The following MEIOSIN variants were observed in gnomAD, a reference collection of about 807,000 sequenced individuals.
The protein encoded by MEIOSIN is meiosis initiator protein.
Under a neutral mutation model 23.4 loss-of-function variants are expected in MEIOSIN, and 18 were observed. The ratio of observed to expected loss-of-function variants is 0.77; its 90% CI spans 0.53 to 1.14. The LOEUF (loss-of-function observed/expected upper bound fraction) is 1.14, where lower values mean the gene tolerates loss of function less well. Ranked by LOEUF, MEIOSIN falls within the 50% of genes most tolerant of loss-of-function variation. The pLI is 0.00. For synonymous variants in MEIOSIN, 187 were observed against 100.6 expected (o/e 1.86, Z -5.14); for missense variants, 428 against 242.9 (o/e 1.76, Z -5.07).
Position 45,764,146 on chromosome 19 carries a change from C to T in MEIOSIN, c.*28C>T. On this transcript the variant is annotated 3_prime_UTR_variant, in exon 15 of 15. Coordinates refer to ENST00000457052, the MANE Select transcript of MEIOSIN (RefSeq NM_001310124.2). ...GGGCGGCCCCTCGCCTCGCTCCCCTCACCCCTCATGGCAACCGCGGCTCTT... is the reference window on the plus strand; with the variant it reads ...GGGCGGCCCCTCGCCTCGCTCCCCTTACCCCTCATGGCAACCGCGGCTCTT... 5.0e-6 allele frequency: 2 copies of T among 398,638 alleles called. No homozygotes were observed. The highest frequency in any genetic ancestry group is 8.8e-6 in the Non-Finnish European group (2 of 226,046). 24.7% of individuals were successfully genotyped at this position (398,638 alleles called of 1,614,324 possible).
At chr19:45,754,100 A>C (rs10404730) in intron 6 of MEIOSIN, among the ~76,000 whole-genome samples, 81,770 of 151,928 alleles carry the variant, frequency 0.54, 22,715 homozygotes, top group East Asian at 0.65. Flanking sequence ...CCTCAGCCTC[A>C]TGAGTAGCTG....
chr19:45,743,447 G>A (rs551034295), intron 3 of MEIOSIN, among the ~76,000 whole-genome samples: 1 of 152,166 alleles, frequency 6.6e-6, no homozygotes, highest in South Asian at 2.1e-4. Flanking sequence ...AATTTATCTC[G>A]AAGGATAGAA....
chr19:45,745,206 A>G lies in MEIOSIN; in HGVS notation c.191A>G (p.Gln64Arg). The G allele has an allele frequency of 1.4e-6, 1 of 702,938 alleles. No homozygotes were observed. Among genetic ancestry groups the G allele is most frequent in the South Asian group, 1.5e-5 (1 of 67,592 alleles). 43.5% of individuals were successfully genotyped at this position (702,938 alleles called of 1,614,324 possible). ...LKGKLRNQRN[Q>R]NKLLSPNKKQ... ...TCCCCAAACAGGAATCAGAGGAACCAAAACAAGCTCCTGTCCCCAAACAAG... is the reference window on the plus strand; with the variant it reads ...TCCCCAAACAGGAATCAGAGGAACCGAAACAAGCTCCTGTCCCCAAACAAG... Residue 64 changes from glutamine to arginine, a missense_variant, in exon 4 of 15, where the codon CAA becomes CGA. Coordinates refer to ENST00000457052, the MANE Select transcript of MEIOSIN (RefSeq NM_001310124.2).
chr19:45,746,761 C>T (rs969822279), intron 4 of MEIOSIN, among the ~76,000 whole-genome samples: 1 of 150,694 alleles, frequency 6.6e-6, no homozygotes, highest in African/African-American at 2.4e-5. Context: ...GCAGAGGTTG[C>T]AGTGATCCGA....
chr19:45,754,524 A>G lies in MEIOSIN; in HGVS notation c.602A>G (p.Asn201Ser), dbSNP rs1021517973. The change falls in exon 7 of 15, where the codon AAC becomes AGC. Residue 201 changes from asparagine to serine, a missense_variant. Physicochemically the swap from Asn to Ser is conservative, Grantham distance 46. Transcript: ENST00000457052. ...TPKPRRSLAL[N>S]KPEKLVAPSP... ...AAGCCTCGCCGCTCTCTGGCCCTGAACAAGCCTGAGAAGCTGGTGGCCCCA... is the reference window on the plus strand; with the variant it reads ...AAGCCTCGCCGCTCTCTGGCCCTGAGCAAGCCTGAGAAGCTGGTGGCCCCA... 1.4e-6 allele frequency: 1 copy of G among 703,006 alleles called. No homozygotes were observed. Among genetic ancestry groups the G allele is most frequent in the Non-Finnish European group, 2.6e-6 (1 of 385,002 alleles). The allele number at this position is 703,006 out of a possible 1,614,324, so 43.5% of individuals were successfully genotyped here. A position where few individuals can be genotyped will look rare whatever the true frequency, so the allele number is the denominator to read the frequency against.
chr19:45,750,520 C>T (rs1968682112), intron 4 of MEIOSIN, among the ~76,000 whole-genome samples, 155 bp from the exon 5 acceptor site: 1 of 152,050 alleles, frequency 6.6e-6, no homozygotes, highest in Non-Finnish European at 1.5e-5. Flanking sequence ...CCACCACACC[C>T]AGCTAATTTT....
chr19:45,762,018 C>T lies in MEIOSIN; in HGVS notation c.1514C>T (p.Ala505Val), dbSNP rs558409066. 4.0e-6 allele frequency: 2 copies of T among 501,314 alleles called. No homozygotes were observed. The allele number at this position is 501,314 out of a possible 1,614,324, so 31.1% of individuals were successfully genotyped here. ...EDTTWTPTRL[A>V]SPLLAAEKKA... ...ACCACATGGACCCCCACCCGGCTGG[C>T]CTCACCCCTGCTGGCAGCTGAGAAA... The change falls in exon 13 of 15, where the codon GCC becomes GTC. Residue 505 changes from alanine (A) to valine (V), a missense_variant. Ala to Val is a moderately conservative substitution (Grantham distance 64). Coordinates refer to ENST00000457052, the MANE Select transcript of MEIOSIN (RefSeq NM_001310124.2).
intron 3 of MEIOSIN, among the ~76,000 whole-genome samples, 190 bp from the exon 4 acceptor site, chr19:45,745,002 G>A (rs971531699): frequency 6.6e-6 from 1 of 152,152 alleles, no homozygotes; most frequent in Admixed American, 6.6e-5. Context: ...GAGTGGGTAA[G>A]ATTTGGTGAC....
At position 45,750,746 on chromosome 19, in the gene MEIOSIN, G is replaced by T; in HGVS notation, c.378G>T (p.Leu126Phe). Residue 126 changes from leucine to phenylalanine, a missense_variant, in exon 5 of 15, where the codon TTG (leucine) becomes TTT (phenylalanine). Transcript: ENST00000457052. ...LQRNIDAAKA[L>F]FKCHITTGEG... The stretch of plus-strand genomic sequence containing the variant: ...GAAACATCGATGCCGCCAAGGCCTT[G>T]TTCAAATGCCACATCACCACTGGGG... 1.5e-6 allele frequency: 1 copy of T among 646,758 alleles called. No homozygotes were observed. The highest frequency in any genetic ancestry group is 2.8e-6 in the Non-Finnish European group (1 of 362,506). The allele number at this position is 646,758 out of a possible 1,614,324, so 40.1% of individuals were successfully genotyped here. A position where few individuals can be genotyped will look rare whatever the true frequency, so the allele number is the denominator to read the frequency against.
At chr19:45,736,486 C>T (rs1968410135) in intron 2 of MEIOSIN, among the ~76,000 whole-genome samples, 1 of 152,140 alleles carries the variant, frequency 6.6e-6, no homozygotes, top group Admixed American at 6.5e-5. Context: ...CCTCAGCCTC[C>T]CAAGTAGCTG....
intron 4 of MEIOSIN, among the ~76,000 whole-genome samples, chr19:45,748,476 G>T (rs1968635039): frequency 6.6e-6 from 1 of 152,168 alleles, no homozygotes; most frequent in African/African-American, 2.4e-5. Flanking sequence ...ATAGATGTTT[G>T]TTGAATGACT....
chr19:45,755,728 G>A (rs888388135), intron 7 of MEIOSIN, among the ~76,000 whole-genome samples: 4 of 152,208 alleles, frequency 2.6e-5, no homozygotes, highest in South Asian at 2.1e-4. Context: ...TTACAGGTAT[G>A]AGCCACGGTG....
intron 5 of MEIOSIN, among the ~76,000 whole-genome samples, chr19:45,751,489 C>T (rs1260226900): frequency 2.6e-5 from 4 of 151,300 alleles, no homozygotes; most frequent in East Asian, 1.9e-4. Context: ...ATTCTGCCAG[C>T]GTATTTTATT....
chr19:45,734,474 A>G (rs944748658), intron 1 of MEIOSIN, among the ~76,000 whole-genome samples: 1 of 152,074 alleles, frequency 6.6e-6, no homozygotes, highest in Non-Finnish European at 1.5e-5. Flanking sequence ...TCTCAGTATT[A>G]GAATTTAGGG....
At chr19:45,749,691 A>AAAG (rs1968658130) in intron 4 of MEIOSIN, among the ~76,000 whole-genome samples, 2 of 135,374 alleles carry the variant, frequency 1.5e-5, no homozygotes, top group African/African-American at 2.8e-5. Flanking sequence ...AAAAAAAAAA[A>AAAG]GCGCAAAAAA....
chr19:45,753,286 A>G (rs915820468), intron 5 of MEIOSIN, among the ~76,000 whole-genome samples: 8 of 152,170 alleles, frequency 5.3e-5, no homozygotes, highest in Admixed American at 5.2e-4. Context: ...CCAGAGGGAA[A>G]GGCCCCAGTG....
intron 7 of MEIOSIN, 145 bp from the exon 8 acceptor site, chr19:45,755,825 G>T: frequency 1.7e-6 from 1 of 599,738 alleles, no homozygotes; most frequent in East Asian, 2.8e-5. Flanking sequence ...TCACACCAAC[G>T]TGACACCCTG....
intron 3 of MEIOSIN, among the ~76,000 whole-genome samples, chr19:45,741,580 G>A (rs897982933): frequency 2.6e-5 from 4 of 151,934 alleles, no homozygotes; most frequent in East Asian, 2.0e-4. Context: ...GCCCTGTGGC[G>A]TGTGCCTGTA....
chr19:45,741,867 ATTAT>A (rs1166466268), intron 3 of MEIOSIN, among the ~76,000 whole-genome samples: 1 of 151,786 alleles, frequency 6.6e-6, no homozygotes, highest in Admixed American at 6.6e-5. Context: ...TATTTTATTT[ATTAT>A]TTATTTATTT....
Sources: gnomAD v4.1 joint callset for allele counts (sites outside exome capture counted in the v4.1 genomes callset) on GRCh38, gnomAD v4.1.1 for gene constraint, MANE v1.5 for transcripts, NCBI Gene and HGNC (gene_info 2026-07-23, HGNC 2026-07-21) for gene names.